The following CDH18 variants were observed in gnomAD, a reference collection of about 807,000 sequenced individuals.
CDH18 encodes cadherin 18, also known as cadherin-18.
A neutral mutation model predicts 67.9 loss-of-function variants in CDH18; 31 were observed. That is an observed-to-expected ratio of 0.46 (90% CI 0.34 to 0.62). CDH18 has a LOEUF of 0.62. Among genes scored for constraint, CDH18 ranks in the 20% least tolerant of loss-of-function variants. The probability of loss-of-function intolerance (pLI) is 0.01; values close to 1 mark genes in which losing one functional copy is unlikely to be tolerated. For synonymous variants in CDH18, 362 were observed against 347.2 expected, an observed-to-expected ratio of 1.04 and a Z score of -0.48; for missense variants, 890 against 975.5, an observed-to-expected ratio of 0.91 and a Z score of 1.17.
intron 2 of CDH18, among the ~76,000 whole-genome samples, chr5:20,095,444 A>AAAGAAAGAAAGAAAGT: frequency 1.2e-5 from 1 of 81,910 alleles, no homozygotes; most frequent in South Asian, 3.7e-4. Context: ...AGAAAGAAAG[A>AAAGAAAGAAAGAAAGT]AAAGAAAGAA....
intron 12 of CDH18, among the ~76,000 whole-genome samples, chr5:19,476,615 G>A (rs1439006285): frequency 6.6e-6 from 1 of 152,004 alleles, no homozygotes; most frequent in Non-Finnish European, 1.5e-5. Flanking sequence ...ATATATCTCT[G>A]TTCATCTTTA....
At chr5:19,925,645 G>A (rs183457339) in intron 2 of CDH18, among the ~76,000 whole-genome samples, 239 of 151,968 alleles carry the variant, frequency 1.6e-3, no homozygotes, top group African/African-American at 2.0e-3. Context: ...CTGCCACCAC[G>A]CATGGTTAAT....
At position 20,557,415 on chromosome 5, in the gene CDH18, AAAGG is replaced by A. The variant is rs146398074; in HGVS notation, c.-580+18043_-580+18046del. Among the ~76,000 whole-genome samples the A allele has an allele frequency of 2.0e-3, 297 of 152,286 alleles. 1 individual carries two copies. Among genetic ancestry groups the A allele is most frequent in the African/African-American group, 6.5e-3 (269 of 41,580 alleles). ...TAAAAATTAAATATTAAAAAATCAC[AAAGG>A]AAGAGATATAGATTAGTAGTAACAC... On this transcript the variant is annotated intron_variant, in intron 1 of 14. Coordinates refer to the CDH18 transcript ENST00000507958.
At chr5:19,602,920 G>A (rs908120015) in intron 6 of CDH18, among the ~76,000 whole-genome samples, 10 of 152,066 alleles carry the variant, frequency 6.6e-5, no homozygotes, top group Non-Finnish European at 1.3e-4. Flanking sequence ...AGCCAAGATC[G>A]CACCATTGCA....
chr5:19,776,703 T>C (rs1271875146), intron 3 of CDH18, among the ~76,000 whole-genome samples: 3 of 152,178 alleles, frequency 2.0e-5, no homozygotes, highest in Non-Finnish European at 4.4e-5. Flanking sequence ...ATGACTGTTA[T>C]ACACATTTTT....
At chr5:19,612,098 A>C (rs1749070059) in intron 6 of CDH18, among the ~76,000 whole-genome samples, 1 of 152,176 alleles carries the variant, frequency 6.6e-6, no homozygotes, top group Admixed American at 6.6e-5. Context: ...TGTTCACATC[A>C]AAATACCTTT....
intron 1 of CDH18, among the ~76,000 whole-genome samples, chr5:20,278,696 A>G (rs1745993819): frequency 6.6e-6 from 1 of 152,186 alleles, no homozygotes; most frequent in African/African-American, 2.4e-5. Context: ...AATAACTACA[A>G]TACAAAGAAC....
At chr5:20,098,909 CT>C (rs1715780935) in intron 2 of CDH18, among the ~76,000 whole-genome samples, 1 of 152,044 alleles carries the variant, frequency 6.6e-6, no homozygotes. Flanking sequence ...TTATTTTAAT[CT>C]TTTTTGATTC....
chr5:19,730,185 C>T (rs1379087694), intron 4 of CDH18, among the ~76,000 whole-genome samples: 1 of 152,148 alleles, frequency 6.6e-6, no homozygotes, highest in Non-Finnish European at 1.5e-5. Flanking sequence ...CATACTGCTG[C>T]AGTGATTGTT....
At chr5:20,286,104 G>A (rs956835510) in intron 1 of CDH18, among the ~76,000 whole-genome samples, 1 of 151,272 alleles carries the variant, frequency 6.6e-6, no homozygotes, top group Non-Finnish European at 1.5e-5. Flanking sequence ...ATAGATAATG[G>A]ATAATTCTCA....
At position 19,713,681 on chromosome 5, in the gene CDH18, T is replaced by C. The variant is rs553984481; in HGVS notation, c.643+7666A>G. Among the ~76,000 whole-genome samples the C allele has an allele frequency of 2.0e-5, 3 of 152,268 alleles. No homozygotes were observed. In the South Asian group the frequency reaches 6.2e-4, roughly 32 times the overall value. On this transcript the variant is annotated intron_variant, in intron 5 of 12. Coordinates refer to ENST00000382275, the MANE Select transcript of CDH18 (RefSeq NM_004934.5). ...TGGTACTTTGTTTTGGAAATACAAT[T>C]ATCTAATAAATATGCATTCTCAGTG...
At chr5:19,666,079 A>C (rs1304147797) in intron 5 of CDH18, among the ~76,000 whole-genome samples, 1 of 150,620 alleles carries the variant, frequency 6.6e-6, no homozygotes, top group African/African-American at 2.4e-5. Flanking sequence ...AATAAAATGT[A>C]TTTTTTTTGA....
intron 2 of CDH18, among the ~76,000 whole-genome samples, chr5:19,947,021 T>TA (rs1239340125): frequency 6.6e-6 from 1 of 152,076 alleles, no homozygotes; most frequent in Non-Finnish European, 1.5e-5. Flanking sequence ...AAGCATTCAA[T>TA]AAAATCCCAA....
At chr5:19,612,663 T>C (rs1749181490) in intron 5 of CDH18, 62 bp from the exon 6 acceptor site, 4 of 1,181,378 alleles carry the variant, frequency 3.4e-6, no homozygotes, top group Admixed American at 3.9e-5. Flanking sequence ...TCAACAAACA[T>C]ACACATACAT....
intron 1 of CDH18, among the ~76,000 whole-genome samples, chr5:20,425,117 C>A (rs1328180432): frequency 2.6e-5 from 4 of 150,946 alleles, no homozygotes; most frequent in Admixed American, 2.6e-4. Context: ...CCTATAATCC[C>A]AGCACTTTGG....
rs534834360 is a variant in CDH18 at position 20,130,315 on chromosome 5, G to C, written c.-518+125129C>G. Among the ~76,000 whole-genome samples the C allele has an allele frequency of 1.7e-4, 25 of 151,372 alleles. 1 individual carries two copies. In the South Asian group the frequency reaches 5.2e-3, roughly 32 times the overall value. ...AAGGTGGCAAGTTCAAAATCCTCTG[G>C]GCAGTCTGACAGGCTGCAGATTTAA... On this transcript the variant is annotated intron_variant, in intron 2 of 14. Coordinates refer to the CDH18 transcript ENST00000507958.
At chr5:20,272,242 G>T (rs1259087079) in intron 1 of CDH18, among the ~76,000 whole-genome samples, 1 of 152,066 alleles carries the variant, frequency 6.6e-6, no homozygotes, top group East Asian at 1.9e-4. Flanking sequence ...ATTAATTTAA[G>T]GACTGAAGAG....
At chr5:19,590,459 T>C (rs1463142597) in intron 7 of CDH18, among the ~76,000 whole-genome samples, 1 of 149,834 alleles carries the variant, frequency 6.7e-6, no homozygotes, top group African/African-American at 2.4e-5. Flanking sequence ...TAGAAAAGTA[T>C]ATGTATACAA....
intron 2 of CDH18, among the ~76,000 whole-genome samples, chr5:20,178,198 A>G (rs969045530): frequency 5.9e-5 from 9 of 152,270 alleles, no homozygotes; most frequent in South Asian, 2.1e-4. Context: ...TCGGAGCTCA[A>G]GACTACTGGC....
Sources: gnomAD v4.1 joint callset for allele counts (sites outside exome capture counted in the v4.1 genomes callset) on GRCh38, gnomAD v4.1.1 for gene constraint, MANE v1.5 for transcripts, NCBI Gene and HGNC (gene_info 2026-07-23, HGNC 2026-07-21) for gene names.